Variants in BTBD9 observed in about 807,000 individuals in gnomAD.
BTBD9 encodes the protein BTB domain containing 9, also known as BTB/POZ domain-containing protein 9.
Under a neutral mutation model 64.3 loss-of-function variants are expected in BTBD9, and 49 were observed. The observed-to-expected ratio is 0.76, with a 90% confidence interval of 0.61 to 0.97. The LOEUF (loss-of-function observed/expected upper bound fraction) is 0.97, where lower values mean the gene tolerates loss of function less well. BTBD9 is among the 50% of genes least tolerant of loss of function. BTBD9 has a pLI of 0.00. For missense variants in BTBD9, 598 were observed against 762.1 expected, an observed-to-expected ratio of 0.78 and a Z score of 2.53; for synonymous variants, 260 against 274.7, an observed-to-expected ratio of 0.95 and a Z score of 0.53.
At chr6:38,469,611 G>A (rs751668477) in intron 6 of BTBD9, among the ~76,000 whole-genome samples, 4 of 152,080 alleles carry the variant, frequency 2.6e-5, no homozygotes, top group Admixed American at 6.5e-5. Flanking sequence ...GAGCCACCGC[G>A]CCCGGCAGGA....
At chr6:38,565,130 T>C (rs895145258) in intron 6 of BTBD9, among the ~76,000 whole-genome samples, 5 of 152,170 alleles carry the variant, frequency 3.3e-5, no homozygotes, top group African/African-American at 7.2e-5. Flanking sequence ...TTGACTGGTT[T>C]TTCTTCTGAA....
chr6:38,538,630 CCG>C (rs911306579), intron 6 of BTBD9, among the ~76,000 whole-genome samples: 44 of 151,932 alleles, frequency 2.9e-4, no homozygotes, highest in Non-Finnish European at 5.0e-4. Context: ...TTACCTTCCC[CCG>C]CCCCCCAAAA....
intron 9 of BTBD9, among the ~76,000 whole-genome samples, chr6:38,228,886 A>G (rs891731530): frequency 2.0e-5 from 3 of 150,006 alleles, no homozygotes; most frequent in Admixed American, 1.3e-4. Flanking sequence ...AAACAAAAAC[A>G]AAAACAAAAA....
At chr6:38,225,773 T>C in intron 9 of BTBD9, among the ~76,000 whole-genome samples, 1 of 115,788 alleles carries the variant, frequency 8.6e-6, no homozygotes, top group South Asian at 2.6e-4. Context: ...AAAAGAAGCA[T>C]CAGGGGCAAC....
intron 9 of BTBD9, among the ~76,000 whole-genome samples, chr6:38,196,553 A>T (rs1762279244): frequency 6.6e-6 from 1 of 152,230 alleles, no homozygotes; most frequent in Non-Finnish European, 1.5e-5. Context: ...TCTTGGAGGC[A>T]GACAAGCAGC....
At chr6:38,349,411 C>A (rs1764413407) in intron 6 of BTBD9, among the ~76,000 whole-genome samples, 1 of 152,020 alleles carries the variant, frequency 6.6e-6, no homozygotes, top group South Asian at 2.1e-4. Context: ...AGTAGTTAGT[C>A]CCCCCTTATC....
At chr6:38,628,455 G>A (rs895100841) in intron 1 of BTBD9, among the ~76,000 whole-genome samples, 2 of 152,042 alleles carry the variant, frequency 1.3e-5, no homozygotes, top group Non-Finnish European at 2.9e-5. Context: ...CTACTTTCTG[G>A]GTACATTAAG....
chr6:38,181,173 C>G (rs1215833983), intron 10 of BTBD9, among the ~76,000 whole-genome samples: 1 of 152,170 alleles, frequency 6.6e-6, no homozygotes, highest in Non-Finnish European at 1.5e-5. Flanking sequence ...CCAAGTTGGC[C>G]TAAGAGTCCA....
chr6:38,611,602 G>C (rs183018530), intron 1 of BTBD9, among the ~76,000 whole-genome samples: 2 of 152,150 alleles, frequency 1.3e-5, no homozygotes, highest in East Asian at 1.9e-4. Context: ...GCAGTGACTA[G>C]GTCTTTCTTC....
At chr6:38,223,765 G>T (rs1317564435) in intron 9 of BTBD9, among the ~76,000 whole-genome samples, 2 of 150,884 alleles carry the variant, frequency 1.3e-5, no homozygotes, top group African/African-American at 4.9e-5. Flanking sequence ...TTCCTTTTTG[G>T]ATTCTCCTTT....
chr6:38,445,578 T>C (rs558309931), intron 6 of BTBD9, among the ~76,000 whole-genome samples: 2 of 152,226 alleles, frequency 1.3e-5, no homozygotes, highest in Non-Finnish European at 2.9e-5. Flanking sequence ...TCAAAGAATA[T>C]GGGAGATTCT....
intron 1 of BTBD9, among the ~76,000 whole-genome samples, chr6:38,627,565 C>G (rs924898792): frequency 3.9e-5 from 6 of 152,090 alleles, no homozygotes; most frequent in African/African-American, 1.4e-4. Flanking sequence ...CCCTGCATCC[C>G]CAAACACAAG....
Position 38,577,596 on chromosome 6 carries a change from T to G in BTBD9, c.1154+4A>C. 6.2e-7 allele frequency: 1 copy of G among 1,600,106 alleles called. No homozygotes were observed. Among genetic ancestry groups the G allele is most frequent in the Non-Finnish European group, 8.5e-7 (1 of 1,177,700 alleles). On this transcript the variant is annotated splice_donor_region_variant and intron_variant, in intron 6 of 10. Coordinates refer to ENST00000481247, the MANE Select transcript of BTBD9 (RefSeq NM_001099272.2). Reference sequence around the variant, plus strand: ...AAATCATTTATTAACCACTGAAAACTAACCTGCAGACACGGGCTGGAAAAT... The same window carrying G: ...AAATCATTTATTAACCACTGAAAACGAACCTGCAGACACGGGCTGGAAAAT...
intron 6 of BTBD9, among the ~76,000 whole-genome samples, chr6:38,356,238 C>T (rs1316916628): frequency 6.6e-6 from 1 of 152,116 alleles, no homozygotes; most frequent in Non-Finnish European, 1.5e-5. Flanking sequence ...AAGGCTCTTG[C>T]AATTTTGAAA....
intron 7 of BTBD9, among the ~76,000 whole-genome samples, chr6:38,331,839 A>G (rs1763686111): frequency 6.6e-6 from 1 of 152,212 alleles, no homozygotes; most frequent in Non-Finnish European, 1.5e-5. Context: ...AGCCTGGGTG[A>G]CAGAGACCCT....
At chr6:38,510,916 G>T (rs147375460) in intron 6 of BTBD9, among the ~76,000 whole-genome samples, 2 of 152,038 alleles carry the variant, frequency 1.3e-5, no homozygotes, top group African/African-American at 4.8e-5. Context: ...GCCTGAGGTC[G>T]TTTTCCGGTT....
chr6:38,604,474 A>G (rs1321825162), intron 1 of BTBD9, among the ~76,000 whole-genome samples: 5 of 152,232 alleles, frequency 3.3e-5, no homozygotes, highest in Non-Finnish European at 7.3e-5. Flanking sequence ...AGATTTATTG[A>G]GCTCTCTCTA....
intron 8 of BTBD9, among the ~76,000 whole-genome samples, chr6:38,260,996 G>C (rs574772820): frequency 6.6e-6 from 1 of 152,182 alleles, no homozygotes; most frequent in East Asian, 1.9e-4. Context: ...GCAGAATGCA[G>C]TGGCACAATC....
At chr6:38,212,533 T>C (rs1389518636) in intron 9 of BTBD9, among the ~76,000 whole-genome samples, 1 of 152,154 alleles carries the variant, frequency 6.6e-6, no homozygotes, top group Non-Finnish European at 1.5e-5. Context: ...GGAATTTTGC[T>C]GAAATTTGCC....
Sources: gnomAD v4.1 joint callset for allele counts (sites outside exome capture counted in the v4.1 genomes callset) on GRCh38, gnomAD v4.1.1 for gene constraint, MANE v1.5 for transcripts, NCBI Gene and HGNC (gene_info 2026-07-23, HGNC 2026-07-21) for gene names.